The following SAAL1 variants were observed in gnomAD, a reference collection of about 807,000 sequenced individuals.
SAAL1 encodes serum amyloid A like 1.
A neutral mutation model predicts 59.8 loss-of-function variants in SAAL1; 42 were observed. The observed-to-expected ratio is 0.70, with a 90% CI of 0.55 to 0.91. SAAL1 has a LOEUF of 0.91. SAAL1 is among the 40% of genes least tolerant of loss of function. SAAL1 has a pLI of 0.00. For synonymous variants in SAAL1, 191 were observed against 194.3 expected (o/e 0.98, Z 0.14); for missense variants, 542 against 561.1 (o/e 0.97, Z 0.34).
rs759324386 is a variant in SAAL1, at chr11:18,105,908, T to G, written c.134A>C (p.Gln45Pro). ...WLFGVLSGLI[Q>P]IVSPENTKSS... ...CACGCGTGGCGCGAGTTTCCACACC[T>G]GGATGAGTCCGCTGAGGACGCCGAA... is the stretch of plus-strand genomic sequence containing the variant. The change falls in exon 1 of 12, where the codon CAG becomes CCG. Residue 45 changes from glutamine to proline, a missense_variant and splice_region_variant. By Grantham distance (76) the Gln-to-Pro change is moderately conservative. Transcript: ENST00000524803. The G allele has an allele frequency of 6.3e-7, 1 of 1,599,262 alleles. No homozygotes were observed. Among genetic ancestry groups the G allele is most frequent in the Non-Finnish European group, 8.5e-7 (1 of 1,173,698 alleles).
rs147946104 is a variant in SAAL1, at chr11:18,092,287, A to C, written c.371T>G (p.Phe124Cys). The C allele has an allele frequency of 6.8e-5, 109 of 1,608,494 alleles. No homozygotes were observed. In the Middle Eastern group the frequency reaches 9.9e-4, roughly 15 times the overall value. ...GCTGATGGACACACATATCTCCTGG[A>C]AACAGGCCATATTACCTAAAATTCC... The part of the protein sequence containing the change: ...CVGILGNMAC[F>C]QEICVSISSD... The change falls in exon 4 of 12, where the codon TTC becomes TGC. Residue 124 changes from phenylalanine (F) to cysteine (C), a missense_variant. Coordinates refer to ENST00000524803, the MANE Select transcript of SAAL1 (RefSeq NM_138421.3).
intron 2 of SAAL1, among the ~76,000 whole-genome samples, chr11:18,100,120 A>T (rs980016781): frequency 9.2e-5 from 14 of 152,202 alleles, no homozygotes; most frequent in African/African-American, 2.4e-4. Flanking sequence ...ATTTCTTTTT[A>T]AAAAAATTTG....
Position 18,096,839 on chromosome 11 carries a change from G to A in SAAL1, c.265C>T (p.Leu89Phe), listed in dbSNP as rs751188505. The change falls in exon 3 of 12, where the codon CTC becomes TTC. Residue 89 changes from leucine to phenylalanine, a missense_variant. By Grantham distance (22) the Leu-to-Phe change is conservative. Transcript: ENST00000524803. The part of the protein sequence containing the change: ...MSMDEDVALF[L>F]QEFNAPDIFM... Reference sequence around the variant, plus strand: ...ATATCAGGAGCATTAAATTCTTGGAGAAATAAAGCCACGTCCTGAAAAGAA... The same window carrying A: ...ATATCAGGAGCATTAAATTCTTGGAAAAATAAAGCCACGTCCTGAAAAGAA... 6.4e-6 allele frequency: 10 copies of A among 1,574,608 alleles called. No homozygotes were observed. The highest frequency in any genetic ancestry group is 8.7e-6 in the Non-Finnish European group (10 of 1,152,320).
At chr11:18,095,897 GA>G (rs1194187642) in intron 3 of SAAL1, among the ~76,000 whole-genome samples, 1 of 152,190 alleles carries the variant, frequency 6.6e-6, no homozygotes, top group African/African-American at 2.4e-5. Context: ...CAAATACTGA[GA>G]GGGGACAGAA....
chr11:18,080,616 TGATAGTAACAG>T, intron 11 of SAAL1, 125 bp from the exon 12 acceptor site: 1 of 593,544 alleles, frequency 1.7e-6, no homozygotes, highest in Non-Finnish European at 2.9e-6. Context: ...GATCTCCAGA[TGATAGTAACAG>T]TACTTCCTAA....
At chr11:18,085,068 A>G (rs1485497857) in intron 9 of SAAL1, among the ~76,000 whole-genome samples, 1 of 152,190 alleles carries the variant, frequency 6.6e-6, no homozygotes, top group Non-Finnish European at 1.5e-5. Flanking sequence ...ACCTGGCTGT[A>G]AAACATATAT....
At chr11:18,104,611 C>T (rs1258134635) in intron 1 of SAAL1, among the ~76,000 whole-genome samples, 2 of 151,976 alleles carry the variant, frequency 1.3e-5, no homozygotes, top group Non-Finnish European at 2.9e-5. Context: ...CCCTTAGGTG[C>T]TGATATTTAA....
chr11:18,105,798 G>A (rs1471216005), intron 1 of SAAL1, 109 bp downstream of exon 1: 2 of 1,346,534 alleles, frequency 1.5e-6, no homozygotes, highest in Non-Finnish European at 2.0e-6. Context: ...CGCCTGGGGA[G>A]GGGTCTTTGT....
intron 1 of SAAL1, 54 bp downstream of exon 1, chr11:18,105,853 C>A: frequency 6.7e-7 from 1 of 1,496,198 alleles, no homozygotes; most frequent in Non-Finnish European, 8.9e-7. Flanking sequence ...AGAGGCGGAG[C>A]CCCGGTGCCT....
At chr11:18,099,859 T>G (rs979747337) in intron 2 of SAAL1, among the ~76,000 whole-genome samples, 1 of 152,164 alleles carries the variant, frequency 6.6e-6, no homozygotes, top group African/African-American at 2.4e-5. Flanking sequence ...GCACACTGAA[T>G]TCATGGTTAC....
At chr11:18,087,321 C>A in intron 7 of SAAL1, 96 bp from the exon 8 acceptor site, 1 of 778,680 alleles carries the variant, frequency 1.3e-6, no homozygotes, top group Non-Finnish European at 2.2e-6. Context: ...ACTCTGCCAG[C>A]CACTGTTCAA....
chr11:18,093,863 A>G (rs1848547227), intron 3 of SAAL1: 1 of 152,240 alleles, frequency 6.6e-6, no homozygotes, highest in African/African-American at 2.4e-5. Flanking sequence ...TGAAAGCAAA[A>G]TAATCCAGTG....
At position 18,090,502 on chromosome 11, in the gene SAAL1, A is replaced by C; in HGVS notation, c.414-9T>G. The C allele has an allele frequency of 6.2e-7, 1 of 1,601,308 alleles. No homozygotes were observed. The highest frequency in any genetic ancestry group is 1.7e-4 in the Middle Eastern group (1 of 6,038). ...AGTGCAATAACACCTGCCTACAAAA[A>C]CAAAGAAGTTAACCGATATGCCTCA... On this transcript the variant is annotated splice_polypyrimidine_tract_variant and intron_variant, in intron 4 of 11. Transcript: ENST00000524803.
In SAAL1 at chr11:18,090,417, T is replaced by C. The variant is rs545730426; in HGVS notation, c.473+17A>G. 1 of 1,600,068 alleles carries C rather than the reference T, an allele frequency of 6.2e-7. No homozygotes were observed. Among genetic ancestry groups the C allele is most frequent in the South Asian group, 1.1e-5 (1 of 87,092 alleles). ...CTTATGAGTAACCTTATAGAATTCA[T>C]AAAAGGAAAAGCATACCTGCTTGTT... On this transcript the variant is annotated intron_variant, in intron 5 of 11. Transcript: ENST00000524803.
intron 9 of SAAL1, among the ~76,000 whole-genome samples, chr11:18,086,609 G>A (rs1251676156): frequency 1.3e-5 from 2 of 152,014 alleles, no homozygotes; most frequent in African/African-American, 2.4e-5. Context: ...GCTGAGGCAC[G>A]AGAATCACTT....
intron 3 of SAAL1, among the ~76,000 whole-genome samples, chr11:18,096,278 A>C (rs958648134): frequency 4.6e-5 from 7 of 151,576 alleles, no homozygotes; most frequent in Admixed American, 1.3e-4. Context: ...TAAATTATTA[A>C]TAATTTAATA....
chr11:18,101,001 A>C (rs1260359000), intron 2 of SAAL1, among the ~76,000 whole-genome samples: 2 of 152,256 alleles, frequency 1.3e-5, no homozygotes, highest in African/African-American at 4.8e-5. Flanking sequence ...CACAGAGTAC[A>C]AATAAACACA....
chr11:18,082,824 G>GT (rs1353278313), intron 10 of SAAL1, among the ~76,000 whole-genome samples: 1 of 151,976 alleles, frequency 6.6e-6, no homozygotes, highest in African/African-American at 2.4e-5. Flanking sequence ...TAGAGATGAG[G>GT]TTTTGCCATG....
chr11:18,099,787 G>A (rs898459674), intron 2 of SAAL1, among the ~76,000 whole-genome samples: 5 of 152,164 alleles, frequency 3.3e-5, no homozygotes, highest in South Asian at 2.1e-4. Flanking sequence ...TAAGCAGAGC[G>A]GCATGAATAG....
Sources: allele counts gnomAD v4.1 joint callset (sites outside exome capture counted in the v4.1 genomes callset), GRCh38; gene constraint gnomAD v4.1.1; transcripts MANE v1.5; gene names NCBI Gene and HGNC (gene_info 2026-07-23, HGNC 2026-07-21).